Variants in EGF observed in about 807,000 individuals in gnomAD.
The protein encoded by EGF is pro-epidermal growth factor.
Under a neutral mutation model 143.8 loss-of-function variants are expected in EGF, and 95 were observed. That is an observed-to-expected ratio of 0.66 (90% CI 0.56 to 0.78). The LOEUF is 0.78. Among genes scored for constraint, EGF ranks in the 30% least tolerant of loss-of-function variants. The probability of loss-of-function intolerance (pLI) is 0.00; values close to 1 mark genes in which losing one functional copy is unlikely to be tolerated. For synonymous variants in EGF, 510 were observed against 510.5 expected, an observed-to-expected ratio of 1.00 and a Z score of 0.01; for missense variants, 1,320 against 1,470.9, an observed-to-expected ratio of 0.90 and a Z score of 1.68.
intron 18 of EGF, chr4:109,992,357 G>A (rs1022634380): frequency 1.3e-5 from 2 of 152,096 alleles, no homozygotes; most frequent in Non-Finnish European, 2.9e-5. Context: ...TACTAAAATT[G>A]GAATGATACA....
At chr4:109,917,144 C>T (rs1390066317) in intron 1 of EGF, among the ~76,000 whole-genome samples, 3 of 152,122 alleles carry the variant, frequency 2.0e-5, no homozygotes, top group South Asian at 2.1e-4. Flanking sequence ...AAAGTGATAG[C>T]GATTATTTCA....
intron 16 of EGF, among the ~76,000 whole-genome samples, chr4:109,986,136 A>C (rs1292325403): frequency 1.3e-5 from 2 of 152,330 alleles, no homozygotes; most frequent in Admixed American, 1.3e-4. Flanking sequence ...TTTGTGGCAG[A>C]AACAACAACA....
chr4:109,935,778 C>T (rs1216917302), intron 1 of EGF, among the ~76,000 whole-genome samples: 1 of 152,090 alleles, frequency 6.6e-6, no homozygotes, highest in Non-Finnish European at 1.5e-5. Context: ...TTATCGAAGG[C>T]GTTTTCTGCA....
chr4:109,921,966 C>T (rs1471939418), intron 1 of EGF, among the ~76,000 whole-genome samples: 2 of 151,640 alleles, frequency 1.3e-5, no homozygotes, highest in East Asian at 1.9e-4. Context: ...CCTTCCCTTA[C>T]GAGGTTTAAA....
rs376245443 is a variant in EGF, at chr4:109,944,339, T to C, written c.737+270T>C. Among the ~76,000 whole-genome samples the C allele has an allele frequency of 7.4e-4, 113 of 152,212 alleles. 2 individuals are homozygous for C. In the South Asian group the frequency reaches 0.023, roughly 30 times the overall value. On this transcript the variant is annotated intron_variant, in intron 4 of 23. Transcript: ENST00000265171. ...CTGTAGTCCCAGCTATTCGGGAGGC[T>C]GAGGCAGGAGAATGGCGAGAACCCG... is the stretch of plus-strand genomic sequence containing the variant.
intron 19 of EGF, among the ~76,000 whole-genome samples, chr4:109,994,044 T>C (rs1293739928): frequency 5.3e-5 from 8 of 151,794 alleles, no homozygotes; most frequent in Non-Finnish European, 8.8e-5. Context: ...TTTTTTTTTT[T>C]AGCATATTAT....
At chr4:109,924,056 C>T (rs181161031) in intron 1 of EGF, among the ~76,000 whole-genome samples, 1 of 151,658 alleles carries the variant, frequency 6.6e-6, no homozygotes, top group East Asian at 1.9e-4. Flanking sequence ...CAAAGTGCCA[C>T]AAAAAAGAAA....
chr4:109,969,592 T>G (rs1747244230), intron 11 of EGF, among the ~76,000 whole-genome samples: 1 of 151,814 alleles, frequency 6.6e-6, no homozygotes, highest in Non-Finnish European at 1.5e-5. Context: ...TCCCAGAACT[T>G]AAAATATAAT....
rs777857946 is a variant in EGF at position 109,979,990 on chromosome 4, C to A, written c.2072C>A (p.Ala691Glu). ...TTTCCAGGTCACCCATTTGCTGTAG[C>A]AGTGTTTGAGGATTATGTGTGGTTC... The part of the protein sequence containing the change: ...QNDVGHPFAV[A>E]VFEDYVWFSD... Residue 691 changes from alanine (A) to glutamate (E), a missense_variant, in exon 14 of 24, where the codon GCA (alanine) becomes GAA (glutamate). Around this residue, in one of 5 missense-constraint regions of EGF, gnomAD observed 1,186 missense variants for 1,313.7 expected, o/e 0.90. Coordinates refer to ENST00000265171, the MANE Select transcript of EGF (RefSeq NM_001963.6). 6.2e-7 allele frequency: 1 copy of A among 1,613,874 alleles called. No individual in the cohort carries two copies. Among genetic ancestry groups the A allele is most frequent in the African/African-American group, 1.3e-5 (1 of 74,912 alleles).
intron 5 of EGF, among the ~76,000 whole-genome samples, chr4:109,956,285 A>AT (rs1744773530): frequency 6.6e-6 from 1 of 152,212 alleles, no homozygotes; most frequent in South Asian, 2.1e-4. Flanking sequence ...AGTTTCCCTG[A>AT]TTGGTAATCC....
chr4:109,958,917 C>T (rs893782601), intron 5 of EGF, among the ~76,000 whole-genome samples: 1 of 98,550 alleles, frequency 1.0e-5, no homozygotes, highest in Non-Finnish European at 2.1e-5. Flanking sequence ...GACCCTGTCT[C>T]AAAAAAAAAA....
intron 1 of EGF, among the ~76,000 whole-genome samples, chr4:109,917,456 A>G (rs533307212): frequency 1.1e-4 from 16 of 152,116 alleles, no homozygotes; most frequent in African/African-American, 3.9e-4. Context: ...TTCCTTGGGT[A>G]GTATGGTTGG....
At chr4:109,969,459 G>T (rs1200335276) in intron 11 of EGF, among the ~76,000 whole-genome samples, 1 of 152,134 alleles carries the variant, frequency 6.6e-6, no homozygotes, top group Non-Finnish European at 1.5e-5. Flanking sequence ...TTTGGAGGGT[G>T]GGTGGCAAGG....
chr4:109,913,459 G>A lies in EGF; in HGVS notation c.124G>A (p.Val42Met). The A allele has an allele frequency of 6.2e-7, 1 of 1,613,654 alleles. No homozygotes were observed. Among genetic ancestry groups the A allele is most frequent in the Non-Finnish European group, 8.5e-7 (1 of 1,179,764 alleles). ...TLAGNGNSTC[V>M]GPAPFLIFSH... Reference sequence around the variant, plus strand: ...CGCAGGAAATGGGAATTCTACTTGTGTGGGTAAGTACTCCAATGAAAAGGT... The same window carrying A: ...CGCAGGAAATGGGAATTCTACTTGTATGGGTAAGTACTCCAATGAAAAGGT... The change falls in exon 1 of 24, where the codon GTG becomes ATG. Residue 42 changes from valine (V) to methionine (M), a missense_variant. By Grantham distance (21) the Val-to-Met change is conservative. Transcript: ENST00000265171.
chr4:109,974,906 G>A (rs1748248018), intron 12 of EGF, 99 bp downstream of exon 12: 3 of 858,430 alleles, frequency 3.5e-6, no homozygotes, highest in Non-Finnish European at 5.8e-6. Flanking sequence ...GAAAATCCAT[G>A]CAATTTGTTC....
intron 1 of EGF, among the ~76,000 whole-genome samples, chr4:109,939,314 G>A (rs1380575137): frequency 6.6e-6 from 1 of 152,240 alleles, no homozygotes; most frequent in African/African-American, 2.4e-5. Flanking sequence ...CTAGCAGTGA[G>A]CAAGGCTCCA....
Position 110,012,016 on chromosome 4 carries a change from G to C in EGF, c.*561G>C, listed in dbSNP as rs11569147. On this transcript the variant is annotated 3_prime_UTR_variant, in exon 24 of 24. Coordinates refer to ENST00000265171, the MANE Select transcript of EGF (RefSeq NM_001963.6). ...TGTAATTTAGAAACTGATTTCTTCAGAATTAGATGGCTTATTTTTTAAAAT... is the reference window on the plus strand; with the variant it reads ...TGTAATTTAGAAACTGATTTCTTCACAATTAGATGGCTTATTTTTTAAAAT... 604 of 153,152 alleles carry C rather than the reference G, an allele frequency of 3.9e-3. 1 individual carries two copies. The highest frequency in any genetic ancestry group is 5.0e-3 in the Non-Finnish European group (345 of 68,598). The allele number at this position is 153,152 out of a possible 1,614,324, so 9.5% of individuals were successfully genotyped here. A position where few individuals can be genotyped will look rare whatever the true frequency, so the allele number is the denominator to read the frequency against.
At chr4:109,919,381 ATC>A (rs1222843903) in intron 1 of EGF, among the ~76,000 whole-genome samples, 1 of 118,740 alleles carries the variant, frequency 8.4e-6, no homozygotes, top group Non-Finnish European at 1.8e-5. Context: ...CTCTGTCTGT[ATC>A]TCTCTCTGTC....
intron 1 of EGF, among the ~76,000 whole-genome samples, chr4:109,926,394 G>A (rs1404267174): frequency 3.6e-5 from 5 of 139,470 alleles, no homozygotes; most frequent in Non-Finnish European, 7.5e-5. Flanking sequence ...TCTCTCTGTC[G>A]CCCAAGCTGG....
Sources: allele counts gnomAD v4.1 joint callset (sites outside exome capture counted in the v4.1 genomes callset), GRCh38; gene constraint gnomAD v4.1.1; regional missense constraint gnomAD v4.1.1; transcripts MANE v1.5; gene names NCBI Gene and HGNC (gene_info 2026-07-23, HGNC 2026-07-21).